ZFYVE28: variants seen among roughly 807,000 people sequenced by gnomAD.
The protein encoded by ZFYVE28 is zinc finger FYVE-type containing 28, also known as lateral signaling target protein 2 homolog.
Under a neutral mutation model 82.1 loss-of-function variants are expected in ZFYVE28, and 40 were observed. That is an observed-to-expected ratio of 0.49 (90% CI 0.38 to 0.63). The LOEUF is 0.63. Ranked by LOEUF, ZFYVE28 falls within the 30% of genes least tolerant of loss-of-function variation. ZFYVE28 has a pLI of 0.00. For synonymous variants in ZFYVE28, 612 were observed against 546.1 expected (o/e 1.12, Z -1.68); for missense variants, 1,321 against 1,242.1 (o/e 1.06, Z -0.96).
intron 8 of ZFYVE28, among the ~76,000 whole-genome samples, chr4:2,302,444 G>A (rs971155247): frequency 2.0e-5 from 3 of 152,232 alleles, no homozygotes; most frequent in East Asian, 3.8e-4. Flanking sequence ...GACTGCTGAC[G>A]AGTGGGGCAT....
Position 2,332,773 on chromosome 4 carries a change from AG to A in ZFYVE28, c.701+2931del, listed in dbSNP as rs1720918546. Among the ~76,000 whole-genome samples the A allele has an allele frequency of 6.6e-6, 1 of 151,998 alleles. No homozygotes were observed. Among genetic ancestry groups the A allele is most frequent in the African/African-American group, 2.4e-5 (1 of 41,306 alleles). ...GTGAGCATCCCAGAGGGGCGGCCTT[AG>A]GAACAGCTGCCCACTCAGCACTCAC... On this transcript the variant is annotated intron_variant, in intron 6 of 12. Coordinates refer to ENST00000290974, the MANE Select transcript of ZFYVE28 (RefSeq NM_020972.3). The surrounding 1 kb of genome is among the most constrained non-coding windows in gnomAD (Gnocchi z 4.7).
At chr4:2,415,605 A>G (rs1182646382) in intron 1 of ZFYVE28, among the ~76,000 whole-genome samples, 2 of 152,218 alleles carry the variant, frequency 1.3e-5, no homozygotes, top group Non-Finnish European at 2.9e-5. Context: ...GACTGCAGGC[A>G]ACAGTCTCCC....
chr4:2,340,082 C>T (rs974978862), intron 3 of ZFYVE28, among the ~76,000 whole-genome samples: 2 of 152,166 alleles, frequency 1.3e-5, no homozygotes, highest in Non-Finnish European at 2.9e-5. Context: ...TTCCAGGCTC[C>T]ACAATCAGGT....
chr4:2,291,205 C>T (rs929777752), intron 8 of ZFYVE28, among the ~76,000 whole-genome samples: 5 of 152,178 alleles, frequency 3.3e-5, no homozygotes, highest in Admixed American at 2.0e-4. Flanking sequence ...TCCTGGTCTC[C>T]GGCTGCAGCA....
chr4:2,376,182 ATAT>A (rs1351338415), intron 1 of ZFYVE28, among the ~76,000 whole-genome samples: 1 of 148,318 alleles, frequency 6.7e-6, no homozygotes, highest in African/African-American at 2.5e-5. Context: ...CCCAAATAAA[ATAT>A]TATTAAAATT....
At chr4:2,322,947 C>T (rs1472831069) in intron 6 of ZFYVE28, among the ~76,000 whole-genome samples, 2 of 152,196 alleles carry the variant, frequency 1.3e-5, no homozygotes, top group Admixed American at 6.5e-5. Flanking sequence ...CATTCACCCA[C>T]GGGTGGAAGT....
At chr4:2,273,981 T>C in intron 9 of ZFYVE28, 81 bp downstream of exon 9, 1 of 1,507,116 alleles carries the variant, frequency 6.6e-7, no homozygotes, top group Non-Finnish European at 9.1e-7. Context: ...GGGGAGGTTG[T>C]ACACGCCCCG....
chr4:2,387,562 C>A (rs1235376509), intron 1 of ZFYVE28, among the ~76,000 whole-genome samples: 1 of 152,178 alleles, frequency 6.6e-6, no homozygotes, highest in Non-Finnish European at 1.5e-5. Context: ...AGGGAGAGCA[C>A]AGAGGAGGCC....
intron 1 of ZFYVE28, among the ~76,000 whole-genome samples, chr4:2,414,073 C>T (rs1304848841): frequency 6.6e-6 from 1 of 152,256 alleles, no homozygotes; most frequent in Admixed American, 6.5e-5. Context: ...CCCCCATCTG[C>T]CACTTCGTTT....
chr4:2,278,941 C>CA (rs61079376), intron 8 of ZFYVE28, among the ~76,000 whole-genome samples: 11,107 of 126,384 alleles, frequency 0.088, 829 homozygotes, highest in East Asian at 0.2. Flanking sequence ...CCCCCCCCCT[C>CA]AAAAAAAAAA....
chr4:2,333,883 C>G (rs1307133759), intron 6 of ZFYVE28, among the ~76,000 whole-genome samples: 1 of 152,182 alleles, frequency 6.6e-6, no homozygotes, highest in African/African-American at 2.4e-5. Context: ...AGTTTGGCCA[C>G]AGAGAGACAC....
At chr4:2,393,749 A>C (rs1730085018) in intron 1 of ZFYVE28, among the ~76,000 whole-genome samples, 1 of 152,156 alleles carries the variant, frequency 6.6e-6, no homozygotes, top group African/African-American at 2.4e-5. Flanking sequence ...GGACACCCCC[A>C]GTTCACTCGG....
intron 8 of ZFYVE28, among the ~76,000 whole-genome samples, chr4:2,294,847 G>A (rs866438447): frequency 1.1e-4 from 16 of 152,224 alleles, no homozygotes; most frequent in African/African-American, 3.9e-4. Flanking sequence ...ATGAGGTGGT[G>A]TGCCTGTAGT....
intron 1 of ZFYVE28, among the ~76,000 whole-genome samples, chr4:2,355,236 AT>A (rs1560269833): frequency 0.014 from 369 of 25,862 alleles, 51 homozygotes; most frequent in East Asian, 0.017. Context: ...ATATATATAT[AT>A]ATATATATAT....
intron 1 of ZFYVE28, among the ~76,000 whole-genome samples, chr4:2,400,152 G>C (rs1053026059): frequency 6.6e-6 from 1 of 152,250 alleles, no homozygotes; most frequent in Non-Finnish European, 1.5e-5. Context: ...GCCTCGGGGA[G>C]CCACAGGTCA....
At chr4:2,273,051 T>C in intron 10 of ZFYVE28, 122 bp downstream of exon 10, 3 of 784,664 alleles carry the variant, frequency 3.8e-6, no homozygotes, top group South Asian at 1.7e-5. Flanking sequence ...GGGTCGACGA[T>C]TGCTTGGTCG....
chr4:2,288,819 A>AG (rs1200809256), intron 8 of ZFYVE28, among the ~76,000 whole-genome samples: 4 of 152,050 alleles, frequency 2.6e-5, no homozygotes, highest in Non-Finnish European at 5.9e-5. Context: ...CTCTACTAAA[A>AG]GTTAAAAAAA....
chr4:2,403,292 T>A (rs1731396455), intron 1 of ZFYVE28, among the ~76,000 whole-genome samples: 2 of 152,202 alleles, frequency 1.3e-5, no homozygotes, highest in Admixed American at 1.3e-4. Flanking sequence ...GGCAAAGGAC[T>A]AGTGGGACCT....
At chr4:2,293,171 C>A (rs1268934527) in intron 8 of ZFYVE28, among the ~76,000 whole-genome samples, 6 of 151,482 alleles carry the variant, frequency 4.0e-5, no homozygotes, top group Non-Finnish European at 8.8e-5. Context: ...AGATGAAGGT[C>A]ATCTGTGAAA....
Sources: gnomAD v4.1 joint callset for allele counts (sites outside exome capture counted in the v4.1 genomes callset) on GRCh38, gnomAD v4.1.1 for gene constraint, Gnocchi (gnomAD v3.1) non-coding constraint, MANE v1.5 for transcripts, NCBI Gene and HGNC (gene_info 2026-07-23, HGNC 2026-07-21) for gene names.